The following MYO3A variants were observed in gnomAD, a reference collection of about 807,000 sequenced individuals.
The protein encoded by MYO3A is myosin-IIIa.
In MYO3A, 180 loss-of-function variants were observed where a neutral mutation model predicts 192.7. The observed-to-expected ratio is 0.93, with a 90% confidence interval of 0.83 to 1.06. MYO3A has a LOEUF of 1.06. Among genes scored for constraint, MYO3A ranks in the 50% least tolerant of loss-of-function variants. MYO3A has a pLI of 0.00. For synonymous variants in MYO3A, 628 were observed against 645.3 expected, an observed-to-expected ratio of 0.97 and a Z score of 0.41; for missense variants, 1,896 against 1,905.0, an observed-to-expected ratio of 1.00 and a Z score of 0.09.
At chr10:26,119,559 T>A (rs764299160) in intron 17 of MYO3A, among the ~76,000 whole-genome samples, 2 of 152,206 alleles carry the variant, frequency 1.3e-5, no homozygotes, top group Non-Finnish European at 2.9e-5. Context: ...ATCCAGCTTT[T>A]ATCTGGACTT....
At chr10:26,064,095 A>T (rs1352560036) in intron 10 of MYO3A, among the ~76,000 whole-genome samples, 1 of 152,174 alleles carries the variant, frequency 6.6e-6, no homozygotes, top group Admixed American at 6.5e-5. Flanking sequence ...AGAATATGAG[A>T]GGTGATGAGG....
chr10:26,178,429 A>G (rs2000254), intron 31 of MYO3A, among the ~76,000 whole-genome samples: 126,528 of 151,934 alleles, frequency 0.83, 53,003 homozygotes, highest in East Asian at 0.95. Flanking sequence ...GCAGGTGCCC[A>G]TAATACCAGC....
intron 23 of MYO3A, among the ~76,000 whole-genome samples, chr10:26,150,890 A>T (rs1483464306): frequency 6.6e-6 from 1 of 151,934 alleles, no homozygotes. Flanking sequence ...CTAAGGTAAA[A>T]CTTAGATCAT....
chr10:26,049,673 C>CTTTCTTT (rs1554813360), intron 10 of MYO3A, among the ~76,000 whole-genome samples: 1 of 69,114 alleles, frequency 1.4e-5, no homozygotes, highest in African/African-American at 5.2e-5. Context: ...TTCTTTCTTT[C>CTTTCTTT]TTTTTTTTTT....
intron 2 of MYO3A, among the ~76,000 whole-genome samples, chr10:25,941,516 T>G (rs1836486493): frequency 6.6e-6 from 1 of 152,194 alleles, no homozygotes; most frequent in Non-Finnish European, 1.5e-5. Flanking sequence ...CATCCCATTC[T>G]CCTCTCCCTA....
chr10:25,956,445 A>G (rs942123960), intron 4 of MYO3A, among the ~76,000 whole-genome samples: 4 of 150,896 alleles, frequency 2.7e-5, no homozygotes, highest in African/African-American at 9.8e-5. Context: ...CTCGAGCCTC[A>G]GCCTCACAAG....
At chr10:26,088,555 C>T in intron 15 of MYO3A, 150 bp downstream of exon 15, 1 of 767,870 alleles carries the variant, frequency 1.3e-6, no homozygotes, top group Admixed American at 2.3e-5. Context: ...GATCCATCAG[C>T]ACTGTCTTAT....
intron 34 of MYO3A, among the ~76,000 whole-genome samples, chr10:26,207,966 T>C (rs1844051903): frequency 6.6e-6 from 1 of 152,254 alleles, no homozygotes; most frequent in Admixed American, 6.5e-5. Context: ...TGCTTTATAC[T>C]TTTCAATGTA....
chr10:25,947,972 T>A (rs965884852), intron 2 of MYO3A, among the ~76,000 whole-genome samples: 1 of 152,090 alleles, frequency 6.6e-6, no homozygotes, highest in African/African-American at 2.4e-5. Context: ...ATAAGTGTTA[T>A]CAAAATAGAG....
chr10:26,110,865 T>C (rs948238995), intron 17 of MYO3A, among the ~76,000 whole-genome samples: 14 of 148,702 alleles, frequency 9.4e-5, no homozygotes, highest in Non-Finnish European at 1.8e-4. Context: ...TTGGGTTTTC[T>C]TTTCTTTTTT....
chr10:25,996,529 T>A lies in MYO3A; in HGVS notation c.343T>A (p.Phe115Ile). The A allele has an allele frequency of 6.2e-7, 1 of 1,613,894 alleles. No homozygotes were observed. Among genetic ancestry groups the A allele is most frequent in the Non-Finnish European group, 8.5e-7 (1 of 1,179,872 alleles). Residue 115 changes from phenylalanine (F) to isoleucine (I), a missense_variant, in exon 5 of 35, where the codon TTT (phenylalanine) becomes ATT (isoleucine). Transcript: ENST00000642920. Reference protein sequence around the residue: ...GGSVTDLVKGFLKRGERMSEP... With the variant: ...GGSVTDLVKGILKRGERMSEP... ...ATCAGTGACTGACCTTGTGAAAGGATTTCTGAAGAGGGGTGAAAGAATGAG... is the reference window on the plus strand; with the variant it reads ...ATCAGTGACTGACCTTGTGAAAGGAATTCTGAAGAGGGGTGAAAGAATGAG...
rs746860390 is a variant in MYO3A at position 26,166,140 on chromosome 10, A to G, written c.3073A>G (p.Lys1025Glu). The stretch of plus-strand genomic sequence containing the variant: ...TGACACCTGTGCCACCATTTTGGAA[A>G]AAGCTGGTCTCGATAACTGGGCTCT... ...SPDTCATILEKAGLDNWALGK... is the reference protein window; with the variant it reads ...SPDTCATILEEAGLDNWALGK... The change falls in exon 27 of 35, where the codon AAA becomes GAA. Residue 1025 changes from lysine (K) to glutamate (E), a missense_variant. Transcript: ENST00000642920. 2 of 1,614,086 alleles carry G rather than the reference A, an allele frequency of 1.2e-6. No individual in the cohort carries two copies. Among genetic ancestry groups the G allele is most frequent in the South Asian group, 2.2e-5 (2 of 91,070 alleles).
intron 10 of MYO3A, among the ~76,000 whole-genome samples, chr10:26,065,458 G>A (rs1191855605): frequency 6.6e-6 from 1 of 151,694 alleles, no homozygotes; most frequent in African/African-American, 2.4e-5. Flanking sequence ...TGGTGGCCAC[G>A]CCTGTAATCC....
chr10:25,999,371 T>C (rs1446214789), intron 6 of MYO3A, among the ~76,000 whole-genome samples: 2 of 152,176 alleles, frequency 1.3e-5, no homozygotes, highest in Admixed American at 6.5e-5. Flanking sequence ...ACATATAAGA[T>C]AGTACTTATA....
intron 14 of MYO3A, among the ~76,000 whole-genome samples, chr10:26,081,825 T>C (rs1457663937): frequency 1.3e-5 from 2 of 152,184 alleles, no homozygotes; most frequent in Non-Finnish European, 2.9e-5. Flanking sequence ...CAAACAGACC[T>C]TCACCTTCTC....
chr10:26,168,817 A>G lies in MYO3A; in HGVS notation c.3217A>G (p.Arg1073Gly), dbSNP rs754613454. Residue 1073 changes from arginine to glycine, a missense_variant, in exon 28 of 35, where the codon AGA becomes GGA. Arg to Gly is a moderately radical substitution (Grantham distance 125, BLOSUM62 -2). Coordinates refer to ENST00000642920, the MANE Select transcript of MYO3A (RefSeq NM_017433.5). Reference protein sequence around the residue: ...QACVRAFLCSRRYQKIQEKRK... With the variant: ...QACVRAFLCSGRYQKIQEKRK... ...TTGTGTCAGAGCATTCTTGTGTTCA[A>G]GAAGATACCAAAAAATACAGGAGAA... 7 of 1,613,144 alleles carry G rather than the reference A, an allele frequency of 4.3e-6. No individual in the cohort carries two copies. In the Admixed American group the frequency reaches 6.7e-5, roughly 15 times the overall value.
chr10:26,026,256 T>C, intron 9 of MYO3A, 121 bp from the exon 10 acceptor site: 1 of 1,194,872 alleles, frequency 8.4e-7, no homozygotes, highest in Non-Finnish European at 1.2e-6. Context: ...TATTTTAAGC[T>C]TGGGCTGAGC....
At chr10:26,004,330 C>T (rs1047446326) in intron 6 of MYO3A, among the ~76,000 whole-genome samples, 25 of 151,968 alleles carry the variant, frequency 1.6e-4, no homozygotes, top group South Asian at 4.1e-4. Flanking sequence ...CTGAGGACAA[C>T]GGGCGGCAGG....
At chr10:26,125,645 TC>T (rs759869161) in intron 19 of MYO3A, 37 bp downstream of exon 19, 3 of 1,539,714 alleles carry the variant, frequency 1.9e-6, no homozygotes, top group Non-Finnish European at 2.7e-6. Context: ...TTCCCAAATG[TC>T]AGGTGATGTA....
Sources: allele counts gnomAD v4.1 joint callset (sites outside exome capture counted in the v4.1 genomes callset), GRCh38; gene constraint gnomAD v4.1.1; transcripts MANE v1.5; gene names NCBI Gene and HGNC (gene_info 2026-07-23, HGNC 2026-07-21).